The following MAP2K6 variants were observed in gnomAD, a reference collection of about 807,000 sequenced individuals.
The protein encoded by MAP2K6 is dual specificity mitogen-activated protein kinase kinase 6.
A neutral mutation model predicts 53.7 loss-of-function variants in MAP2K6; 16 were observed. The observed-to-expected ratio is 0.30, with a 90% CI of 0.20 to 0.45. MAP2K6 has a LOEUF of 0.45. MAP2K6 is among the 20% of genes least tolerant of loss of function. The pLI, the probability that MAP2K6 is intolerant of heterozygous loss-of-function variation, is 1.00. For missense variants in MAP2K6, 204 were observed against 411.9 expected (o/e 0.50, Z 4.37); for synonymous variants, 132 against 143.1 (o/e 0.92, Z 0.55).
chr17:69,450,058 C>T (rs1028905220), intron 1 of MAP2K6, among the ~76,000 whole-genome samples: 2 of 151,494 alleles, frequency 1.3e-5, no homozygotes, highest in African/African-American at 4.9e-5. Context: ...CATCAGCCTT[C>T]CAAGTAGCTG....
At chr17:69,462,791 GC>G (rs1227740883) in intron 1 of MAP2K6, among the ~76,000 whole-genome samples, 5 of 151,854 alleles carry the variant, frequency 3.3e-5, no homozygotes, top group Non-Finnish European at 7.4e-5. Context: ...CTCCATATTT[GC>G]CTTTAAGAAG....
intron 1 of MAP2K6, among the ~76,000 whole-genome samples, chr17:69,423,250 A>T (rs1351635117): frequency 3.3e-5 from 5 of 152,224 alleles, no homozygotes; most frequent in Admixed American, 3.3e-4. Context: ...ATGATTGAAA[A>T]AAAATCAAAA....
intron 1 of MAP2K6, among the ~76,000 whole-genome samples, chr17:69,479,279 A>G (rs1252010853): frequency 6.6e-6 from 1 of 152,192 alleles, no homozygotes; most frequent in African/African-American, 2.4e-5. Context: ...CAGGTCAAGC[A>G]TCCCTAATCT....
intron 1 of MAP2K6, among the ~76,000 whole-genome samples, chr17:69,463,459 T>A (rs1244120949): frequency 1.3e-5 from 2 of 149,842 alleles, no homozygotes; most frequent in Non-Finnish European, 3.0e-5. Flanking sequence ...TATACATATA[T>A]GTATGTGTGT....
chr17:69,419,579 C>A (rs1014417385), intron 1 of MAP2K6, among the ~76,000 whole-genome samples: 3 of 152,098 alleles, frequency 2.0e-5, no homozygotes, highest in Non-Finnish European at 2.9e-5. Context: ...GTTTTTTTGA[C>A]ATTTGTGTTT....
intron 7 of MAP2K6, among the ~76,000 whole-genome samples, chr17:69,522,776 C>T (rs1910545891): frequency 6.6e-6 from 1 of 151,902 alleles, no homozygotes; most frequent in African/African-American, 2.4e-5. Flanking sequence ...TTGCTTTGGG[C>T]CAGGCTTGGT....
rs1427503175 is a variant in MAP2K6 at position 69,494,983 on chromosome 17, C to A, written c.17-10797C>A. 2.0e-5 allele frequency among the ~76,000 whole-genome samples: 3 copies of A among 150,196 alleles called. No homozygotes were observed. In the Admixed American group the frequency reaches 2.0e-4, roughly 10 times the overall value. ...TCGCGACATTGCACTCCAGCCTGGG[C>A]AACAAGAGCGAAACTCTGTCTAGAA... On this transcript the variant is annotated intron_variant, in intron 1 of 11. Transcript: ENST00000590474. This position sits in a 1 kb window ranked among gnomAD's most constrained non-coding sequence, Gnocchi z 4.2.
intron 11 of MAP2K6, among the ~76,000 whole-genome samples, chr17:69,539,108 A>C (rs1253773669): frequency 6.6e-6 from 1 of 152,214 alleles, no homozygotes; most frequent in African/African-American, 2.4e-5. Context: ...ATGTTCTCCA[A>C]TTATCTTAGG....
At position 69,516,826 on chromosome 17, in the gene MAP2K6, TTTC is replaced by T. The variant is rs1318479477; in HGVS notation, c.84-23_84-21del. The T allele has an allele frequency of 2.0e-6, 3 of 1,534,400 alleles. No individual in the cohort carries two copies. In the African/African-American group the frequency reaches 4.1e-5, roughly 21 times the overall value. On this transcript the variant is annotated intron_variant, in intron 2 of 11. Coordinates refer to ENST00000590474, the MANE Select transcript of MAP2K6 (RefSeq NM_002758.4). ...GACATAATTGACTCAATAGCTTATG[TTTC>T]TTCTTTTCCCCCTTATCTTTCTTAG...
chr17:69,546,774 T>C lies in MAP2K6; in HGVS notation c.*5021T>C, dbSNP rs1193229056. ...ATCTATGACTTGAAGAGGGATTTGT[T>C]GGCTCAAAGGATCTTCTGCTTTTAA... is the stretch of plus-strand genomic sequence containing the variant. On this transcript the variant is annotated 3_prime_UTR_variant, in exon 12 of 12. Coordinates refer to ENST00000590474, the MANE Select transcript of MAP2K6 (RefSeq NM_002758.4). 1 of 152,222 alleles carries C rather than the reference T, an allele frequency of 6.6e-6. No homozygotes were observed. The highest frequency in any genetic ancestry group is 1.9e-4 in the East Asian group (1 of 5,202). The allele number at this position is 152,222 out of a possible 1,614,324, so 9.4% of individuals were successfully genotyped here.
At chr17:69,420,999 C>T (rs1906060575) in intron 1 of MAP2K6, among the ~76,000 whole-genome samples, 1 of 152,116 alleles carries the variant, frequency 6.6e-6, no homozygotes, top group South Asian at 2.1e-4. Flanking sequence ...GGTTGTTTGC[C>T]TTTTATGGAC....
At chr17:69,495,570 C>T (rs1334402776) in intron 1 of MAP2K6, among the ~76,000 whole-genome samples, 1 of 152,048 alleles carries the variant, frequency 6.6e-6, no homozygotes, top group African/African-American at 2.4e-5. Flanking sequence ...CAAAAGTGGA[C>T]TGTATTATAA....
Position 69,489,913 on chromosome 17 carries a change from G to A in MAP2K6, c.17-15867G>A, listed in dbSNP as rs79307980. On this transcript the variant is annotated intron_variant, in intron 1 of 11. Coordinates refer to ENST00000590474, the MANE Select transcript of MAP2K6 (RefSeq NM_002758.4). ...TACTGTGTTCTTTTGCTAGGCTATG[G>A]TTTGCAAAACATGACTCTCACAAAC... is the stretch of plus-strand genomic sequence containing the variant. Among the ~76,000 whole-genome samples, 125 of 152,338 alleles carry A rather than the reference G, an allele frequency of 8.2e-4. 1 individual carries two copies. The East Asian group carries it at 0.017, about 21-fold the overall frequency.
chr17:69,537,444 A>G (rs993762521), intron 11 of MAP2K6, among the ~76,000 whole-genome samples: 1 of 152,210 alleles, frequency 6.6e-6, no homozygotes, highest in Admixed American at 6.5e-5. Flanking sequence ...CTGCTATCCC[A>G]GCCACAAGCC....
chr17:69,423,342 G>T (rs1268619373), intron 1 of MAP2K6, among the ~76,000 whole-genome samples: 1 of 152,180 alleles, frequency 6.6e-6, no homozygotes, highest in Non-Finnish European at 1.5e-5. Flanking sequence ...CACAGCTATG[G>T]TCATTCATTT....
intron 7 of MAP2K6, 45 bp downstream of exon 7, chr17:69,521,145 A>G: frequency 6.4e-7 from 1 of 1,571,358 alleles, no homozygotes; most frequent in Non-Finnish European, 8.7e-7. Flanking sequence ...GATAAAGTTC[A>G]TCTCTTTCAC....
At chr17:69,426,308 C>T (rs758151975) in intron 1 of MAP2K6, among the ~76,000 whole-genome samples, 1 of 152,332 alleles carries the variant, frequency 6.6e-6, no homozygotes, top group South Asian at 2.1e-4. Context: ...CCTCTAGCTT[C>T]GGTTTCTTCA....
intron 1 of MAP2K6, among the ~76,000 whole-genome samples, chr17:69,483,417 C>T (rs760925623): frequency 1.4e-4 from 21 of 151,984 alleles, no homozygotes; most frequent in Non-Finnish European, 2.7e-4. Context: ...AAATCTTATA[C>T]TCTGAAAGCT....
intron 1 of MAP2K6, among the ~76,000 whole-genome samples, chr17:69,478,808 G>T (rs1343166425): frequency 2.0e-5 from 3 of 152,102 alleles, no homozygotes; most frequent in Non-Finnish European, 2.9e-5. Flanking sequence ...TTGAGGAGAG[G>T]ATGAGTGAAT....
Sources: gnomAD v4.1 joint callset for allele counts (sites outside exome capture counted in the v4.1 genomes callset) on GRCh38, gnomAD v4.1.1 for gene constraint, Gnocchi (gnomAD v3.1) non-coding constraint, MANE v1.5 for transcripts, NCBI Gene and HGNC (gene_info 2026-07-23, HGNC 2026-07-21) for gene names.